Variants in TRAPPC2L observed in about 807,000 individuals in gnomAD.
TRAPPC2L encodes trafficking protein particle complex subunit 2-like protein.
TRAPPC2L carries 17 observed loss-of-function variants against 13.2 expected under a neutral mutation model. That is an observed-to-expected ratio of 1.29 (90% CI 0.88 to 1.93). TRAPPC2L has a LOEUF of 1.93. Ranked by LOEUF, TRAPPC2L falls within the 30% of genes most tolerant of loss-of-function variation. TRAPPC2L has a pLI of 0.00. For synonymous variants in TRAPPC2L, 150 were observed against 98.1 expected, an observed-to-expected ratio of 1.53 and a Z score of -3.12; for missense variants, 359 against 252.1, an observed-to-expected ratio of 1.42 and a Z score of -2.87.
intron 2 of TRAPPC2L, chr16:88,859,054 A>G: frequency 1.9e-6 from 1 of 516,456 alleles, no homozygotes; most frequent in South Asian, 2.2e-5. Context: ...GAAGTGGGAC[A>G]CTTCTGCTTT....
chr16:88,860,771 TG>T, exon 4 of TRAPPC2L: 1 of 890,100 alleles, frequency 1.1e-6, no homozygotes, highest in Non-Finnish European at 1.8e-6. Context: ...ACTCCTGTCC[TG>T]GCCTCTCAGC....
chr16:88,856,965 C>G, upstream of TRAPPC2L: 1 of 1,411,264 alleles, frequency 7.1e-7, no homozygotes, highest in Middle Eastern at 2.5e-4. Context: ...GGGGCGGGGC[C>G]TGGACGGCCA....
chr16:88,856,655 C>T (rs1381953760), upstream of TRAPPC2L: 4 of 367,862 alleles, frequency 1.1e-5, no homozygotes, highest in South Asian at 6.0e-5. Context: ...CCTCACCTCT[C>T]CCCCCACCCC....
chr16:88,861,201 G>A (rs983180680), exon 4 of TRAPPC2L: 2 of 548,072 alleles, frequency 3.6e-6, no homozygotes, highest in African/African-American at 3.8e-5. Flanking sequence ...AGAGGTTTGG[G>A]ATCAGATGGC....
exon 4 of TRAPPC2L, chr16:88,860,149 T>C (rs770857558): frequency 2.1e-5 from 15 of 716,794 alleles, no homozygotes; most frequent in Non-Finnish European, 3.3e-5. Context: ...CCACACCAAC[T>C]CTTACACAGA....
exon 4 of TRAPPC2L, chr16:88,860,469 C>T: frequency 1.7e-6 from 1 of 603,654 alleles, no homozygotes; most frequent in Admixed American, 2.9e-5. Flanking sequence ...TTCAGTGAGT[C>T]CCCAGTTCCA....
exon 2 of TRAPPC2L, chr16:88,858,754 T>C (rs1968164691): frequency 1.9e-6 from 3 of 1,613,314 alleles, no homozygotes; most frequent in Non-Finnish European, 2.5e-6. Context: ...GAGGGAGCTG[T>C]ACCTGGGCCT....
At chr16:88,856,699 T>C (rs967951008), upstream of TRAPPC2L, 1 of 431,530 alleles carries the variant, frequency 2.3e-6, no homozygotes, top group Non-Finnish European at 4.2e-6. Flanking sequence ...CCTCCCTCCA[T>C]CCGCCCCTCC....
rs1967978300 is a variant in TRAPPC2L, at chr16:88,857,167, C to T, written c.17C>T (p.Ala6Val). The change falls in exon 1 of 4, where the codon GCG becomes GTG. Residue 6 changes from alanine (A) to valine (V), a missense_variant. Physicochemically the swap from Ala to Val is moderately conservative, Grantham distance 64. Coordinates refer to ENST00000565504, the Ensembl canonical transcript of TRAPPC2L. ...CCTCCCAAGATGGCGGTGTGCATCG[C>T]GGTGATTGCCAAGGAGGTGCGTACG... The T allele has an allele frequency of 2.5e-6, 4 of 1,582,348 alleles. No homozygotes were observed. In the East Asian group the frequency reaches 7.2e-5, roughly 28 times the overall value.
rs755788739 is a variant in TRAPPC2L at position 88,859,557 on chromosome 16, T to C, written c.207-106T>C. On this transcript the variant is annotated intron_variant, in intron 2 of 3. Transcript: ENST00000565504. ...CTGCAGGACCAGCCCAGCATGGGCA[T>C]TTCCTGTGATTCAAGGTTGCCACAT... 9.2e-6 allele frequency: 10 copies of C among 1,082,640 alleles called. No homozygotes were observed. In the South Asian group the frequency reaches 1.1e-4, roughly 12 times the overall value. 67.1% of individuals were successfully genotyped at this position (1,082,640 alleles called of 1,614,324 possible).
rs1233859920 is a variant in TRAPPC2L, at chr16:88,860,905, T to A, written c.*581T>A. The A allele has an allele frequency of 6.3e-7, 1 of 1,589,844 alleles. No individual in the cohort carries two copies. On this transcript the variant is annotated 3_prime_UTR_variant, in exon 4 of 4. Coordinates refer to ENST00000565504, the Ensembl canonical transcript of TRAPPC2L. Reference sequence around the variant, plus strand: ...GCTCTCCTCTGAGTGGGTCTGTTTCTCTTAGCAGGGCCTTTGATAACATGG... The same window carrying A: ...GCTCTCCTCTGAGTGGGTCTGTTTCACTTAGCAGGGCCTTTGATAACATGG...
At chr16:88,857,841 A>G (rs57061200) in intron 1 of TRAPPC2L, among the ~76,000 whole-genome samples, 2,243 of 152,350 alleles carry the variant, frequency 0.015, 59 homozygotes, top group African/African-American at 0.045. Context: ...CTGAAGGCTA[A>G]GACTGAGCTG....
At chr16:88,856,384 C>T (rs1555525760), upstream of TRAPPC2L, 3 of 701,736 alleles carry the variant, frequency 4.3e-6, no homozygotes, top group Non-Finnish European at 7.8e-6. Flanking sequence ...GCCCACCTTT[C>T]CCAAGAGTAG....
At chr16:88,859,111 C>T (rs534984679) in intron 2 of TRAPPC2L, 1 of 457,770 alleles carries the variant, frequency 2.2e-6, no homozygotes, top group African/African-American at 2.0e-5. Flanking sequence ...GAGCCACCAC[C>T]TTTGAGCAGG....
exon 4 of TRAPPC2L, chr16:88,861,498 C>A (rs112323037): frequency 9.3e-5 from 34 of 366,454 alleles, no homozygotes; most frequent in Middle Eastern, 4.2e-4. Context: ...AAAAGGAGCC[C>A]TTGTGAAACC....
rs1487115741 is a variant in TRAPPC2L, at chr16:88,859,939, C to T, written c.341C>T (p.Pro114Leu). The T allele has an allele frequency of 3.9e-6, 6 of 1,526,830 alleles. No individual in the cohort carries two copies. The highest frequency in any genetic ancestry group is 5.3e-6 in the Non-Finnish European group (6 of 1,142,614). 94.6% of individuals were successfully genotyped at this position (1,526,830 alleles called of 1,614,324 possible). The change falls in exon 4 of 4, where the codon CCC becomes CTC. Residue 114 changes from proline (P) to leucine (L), a missense_variant. Pro to Leu is a moderately conservative substitution (Grantham distance 98). Transcript: ENST00000565504. ...TCCTACACAGACGTGATGTGCAACCCCTTCTACAACCCGGGGGACCGCATC... is the reference window on the plus strand; with the variant it reads ...TCCTACACAGACGTGATGTGCAACCTCTTCTACAACCCGGGGGACCGCATC...
exon 4 of TRAPPC2L, chr16:88,861,195 G>A (rs755298143): frequency 5.6e-5 from 31 of 556,806 alleles, no homozygotes; most frequent in Non-Finnish European, 9.3e-5. Flanking sequence ...GTGGGCAGAG[G>A]TTTGGGATCA....
exon 4 of TRAPPC2L, chr16:88,860,142 C>T (rs1394746103): frequency 9.7e-6 from 7 of 722,992 alleles, no homozygotes; most frequent in East Asian, 5.3e-5. Flanking sequence ...CGTTTCTCCA[C>T]ACCAACTCTT....
upstream of TRAPPC2L, chr16:88,856,993 G>T: frequency 7.2e-7 from 1 of 1,392,384 alleles, no homozygotes; most frequent in East Asian, 3.0e-5. Flanking sequence ...CGCGGGGCGG[G>T]GCCAGAGTCC....
Sources: allele counts gnomAD v4.1 joint callset (sites outside exome capture counted in the v4.1 genomes callset), GRCh38; gene constraint gnomAD v4.1.1; transcripts MANE v1.5; gene names NCBI Gene and HGNC (gene_info 2026-07-23, HGNC 2026-07-21).